Variants in ST6GALNAC3 observed in about 807,000 individuals in gnomAD.
The protein encoded by ST6GALNAC3 is ST6 N-acetylgalactosaminide alpha-2,6-sialyltransferase 3.
ST6GALNAC3 carries 25 observed loss-of-function variants against 32.7 expected under a neutral mutation model. The observed-to-expected ratio is 0.76, with a 90% CI of 0.56 to 1.07. ST6GALNAC3 has a LOEUF of 1.07. Among genes scored for constraint, ST6GALNAC3 ranks in the 50% least tolerant of loss-of-function variants. The pLI, the probability that ST6GALNAC3 is intolerant of heterozygous loss-of-function variation, is 0.00. For synonymous variants in ST6GALNAC3, 129 were observed against 133.1 expected (o/e 0.97, Z 0.21); for missense variants, 355 against 382.4 (o/e 0.93, Z 0.60).
rs145479775 is a variant in ST6GALNAC3 at position 76,255,299 on chromosome 1, A to G, written c.19-58506A>G. On this transcript the variant is annotated intron_variant, in intron 1 of 4. Transcript: ENST00000328299. ...GAGGAATACAAAGTATTTTCAATACATGGCTAGCATGAACAAATTATAGTT... is the reference window on the plus strand; with the variant it reads ...GAGGAATACAAAGTATTTTCAATACGTGGCTAGCATGAACAAATTATAGTT... Among the ~76,000 whole-genome samples the G allele has an allele frequency of 8.3e-4, 127 of 152,274 alleles. 1 individual carries two copies. Among genetic ancestry groups the G allele is most frequent in the African/African-American group, 2.9e-3 (119 of 41,568 alleles).
intron 2 of ST6GALNAC3, among the ~76,000 whole-genome samples, chr1:76,400,175 A>C (rs1653295092): frequency 6.6e-6 from 1 of 152,170 alleles, no homozygotes; most frequent in Non-Finnish European, 1.5e-5. Flanking sequence ...TTTAGTAAAA[A>C]CATTTTATCA....
At chr1:76,229,870 A>G (rs1656273020) in intron 1 of ST6GALNAC3, among the ~76,000 whole-genome samples, 1 of 152,224 alleles carries the variant, frequency 6.6e-6, no homozygotes, top group South Asian at 2.1e-4. Flanking sequence ...CCCCATTCAC[A>G]TGGCGCCCAG....
intron 3 of ST6GALNAC3, among the ~76,000 whole-genome samples, chr1:76,449,924 G>A (rs557317661): frequency 1.3e-5 from 2 of 152,178 alleles, no homozygotes; most frequent in South Asian, 2.1e-4. Context: ...CACCCAAACA[G>A]TGTACACTGA....
At position 76,622,451 on chromosome 1, in the gene ST6GALNAC3, A is replaced by G. The variant is rs1036280853; in HGVS notation, c.624-5001A>G. Among the ~76,000 whole-genome samples the G allele has an allele frequency of 5.3e-5, 8 of 152,040 alleles. No individual in the cohort carries two copies. The South Asian group carries it at 6.2e-4, about 12-fold the overall frequency. ...GGGACTGTGAATGAGCAGAGTAGGA[A>G]CTGGAGATTATAGGAATCTGGCTGT... is the stretch of plus-strand genomic sequence containing the variant. On this transcript the variant is annotated intron_variant, in intron 3 of 4. Transcript: ENST00000328299.
At chr1:76,522,347 A>G (rs187513831) in intron 3 of ST6GALNAC3, among the ~76,000 whole-genome samples, 1 of 152,022 alleles carries the variant, frequency 6.6e-6, no homozygotes, top group Admixed American at 6.5e-5. Flanking sequence ...TCAATTTGGA[A>G]ATTTTTTTTG....
chr1:76,186,466 G>GA lies in ST6GALNAC3; in HGVS notation c.18+111591dup, dbSNP rs551874087. On this transcript the variant is annotated intron_variant, in intron 1 of 4. Coordinates refer to ENST00000328299, the MANE Select transcript of ST6GALNAC3 (RefSeq NM_152996.4). ...TTCCATTCTCATAGTAATCCTGAGG[G>GA]AAAAAAAAAGCAGTATTTTCTTTGT... 1.6e-4 allele frequency among the ~76,000 whole-genome samples: 24 copies of GA among 150,700 alleles called. No homozygotes were observed. In the East Asian group the frequency reaches 2.3e-3, roughly 15 times the overall value.
chr1:76,294,326 A>G (rs1181991038), intron 1 of ST6GALNAC3, among the ~76,000 whole-genome samples: 1 of 152,066 alleles, frequency 6.6e-6, no homozygotes, highest in Non-Finnish European at 1.5e-5. Flanking sequence ...AGCACTGGGA[A>G]ACAGTTTCTT....
chr1:76,511,814 A>G (rs982543218), intron 3 of ST6GALNAC3, among the ~76,000 whole-genome samples: 6 of 152,218 alleles, frequency 3.9e-5, no homozygotes, highest in African/African-American at 1.4e-4. Flanking sequence ...CAAAATCAAT[A>G]TGCCGTTCAG....
intron 3 of ST6GALNAC3, among the ~76,000 whole-genome samples, chr1:76,431,599 C>T (rs1200546820): frequency 6.6e-6 from 1 of 152,140 alleles, no homozygotes; most frequent in African/African-American, 2.4e-5. Context: ...CCAGAAATCT[C>T]TTTCATGCTG....
intron 3 of ST6GALNAC3, among the ~76,000 whole-genome samples, chr1:76,566,884 A>G (rs1242242388): frequency 2.0e-5 from 3 of 152,154 alleles, no homozygotes; most frequent in African/African-American, 4.8e-5. Flanking sequence ...ATTATACCCA[A>G]TTCCTCCCAG....
intron 1 of ST6GALNAC3, among the ~76,000 whole-genome samples, chr1:76,080,312 G>A (rs1043173434): frequency 6.6e-6 from 1 of 152,064 alleles, no homozygotes; most frequent in African/African-American, 2.4e-5. Context: ...TTTTATGTCA[G>A]TTATAGACAC....
At chr1:76,585,530 C>T (rs1000377242) in intron 3 of ST6GALNAC3, among the ~76,000 whole-genome samples, 1 of 152,162 alleles carries the variant, frequency 6.6e-6, no homozygotes, top group African/African-American at 2.4e-5. Flanking sequence ...CAGACACCAC[C>T]TCCAAGGCAT....
intron 3 of ST6GALNAC3, among the ~76,000 whole-genome samples, chr1:76,578,456 A>T (rs937538259): frequency 1.3e-5 from 2 of 151,990 alleles, no homozygotes; most frequent in Non-Finnish European, 2.9e-5. Context: ...TTCATAGTAG[A>T]GTATTAAGAT....
intron 3 of ST6GALNAC3, among the ~76,000 whole-genome samples, chr1:76,483,843 T>C (rs927988706): frequency 2.0e-5 from 3 of 152,192 alleles, no homozygotes; most frequent in African/African-American, 7.2e-5. Flanking sequence ...TCCAGGGTTT[T>C]TATGGTTTTA....
intron 1 of ST6GALNAC3, among the ~76,000 whole-genome samples, chr1:76,286,810 G>A (rs980150189): frequency 7.9e-5 from 12 of 152,220 alleles, no homozygotes; most frequent in African/African-American, 1.4e-4. Context: ...AGGAAAGTGG[G>A]ACAATTGAAG....
intron 1 of ST6GALNAC3, among the ~76,000 whole-genome samples, chr1:76,100,621 T>C (rs1647202630): frequency 1.3e-5 from 2 of 152,230 alleles, no homozygotes; most frequent in African/African-American, 2.4e-5. Context: ...TGTTCATTAA[T>C]GAATTAGACC....
intron 1 of ST6GALNAC3, among the ~76,000 whole-genome samples, chr1:76,192,671 T>C (rs766069518): frequency 1.3e-5 from 2 of 152,194 alleles, no homozygotes; most frequent in Admixed American, 6.5e-5. Flanking sequence ...TTAACTGGAA[T>C]ATTCACAGGT....
intron 1 of ST6GALNAC3, among the ~76,000 whole-genome samples, chr1:76,224,401 T>C (rs1398824531): frequency 2.0e-5 from 3 of 152,182 alleles, no homozygotes; most frequent in Non-Finnish European, 4.4e-5. Context: ...TGTGAATAAA[T>C]GGGCAAAAGG....
At chr1:76,484,896 A>G (rs1462685812) in intron 3 of ST6GALNAC3, among the ~76,000 whole-genome samples, 10 of 152,180 alleles carry the variant, frequency 6.6e-5, no homozygotes, top group African/African-American at 2.4e-4. Context: ...GATACATCCC[A>G]TCAATACTTA....
Sources: gnomAD v4.1 joint callset for allele counts (sites outside exome capture counted in the v4.1 genomes callset) on GRCh38, gnomAD v4.1.1 for gene constraint, MANE v1.5 for transcripts, NCBI Gene and HGNC (gene_info 2026-07-23, HGNC 2026-07-21) for gene names.